The following OGFOD3 variants were observed in gnomAD, a reference collection of about 807,000 sequenced individuals.
OGFOD3 encodes 2-oxoglutarate and iron dependent oxygenase domain containing 3.
OGFOD3 carries 35 observed loss-of-function variants against 39.8 expected under a neutral mutation model. That is an observed-to-expected ratio of 0.88 (90% CI 0.67 to 1.17). The LOEUF is 1.17. Among genes scored for constraint, OGFOD3 ranks in the 50% most tolerant of loss-of-function variants. The pLI is 0.00. For synonymous variants in OGFOD3, 200 were observed against 192.0 expected, an observed-to-expected ratio of 1.04 and a Z score of -0.34; for missense variants, 438 against 454.5, an observed-to-expected ratio of 0.96 and a Z score of 0.33.
chr17:82,404,205 G>C lies in OGFOD3; in HGVS notation c.546-115C>G. ...CCTTCGTACGGCTCCGGGCCCGCGGGGCGGGGGCTCCCAAGCACACCGGGA... is the reference window on the plus strand; with the variant it reads ...CCTTCGTACGGCTCCGGGCCCGCGGCGCGGGGGCTCCCAAGCACACCGGGA... On this transcript the variant is annotated intron_variant, in intron 6 of 8. Coordinates refer to ENST00000313056, the MANE Select transcript of OGFOD3 (RefSeq NM_024648.3). The surrounding 1 kb of genome is among the most constrained non-coding windows in gnomAD (Gnocchi z 4.5). The C allele has an allele frequency of 3.3e-6, 4 of 1,226,556 alleles. No individual in the cohort carries two copies. The highest frequency in any genetic ancestry group is 3.3e-6 in the Non-Finnish European group (3 of 908,496). 76.0% of individuals were successfully genotyped at this position (1,226,556 alleles called of 1,614,324 possible).
chr17:82,392,295 G>T lies in OGFOD3; in HGVS notation c.*103C>A. The stretch of plus-strand genomic sequence containing the variant: ...CAAATCAAAATCAGAGAATTCCTAA[G>T]GCACTCTGTGCAACAGGAGCGGGTG... On this transcript the variant is annotated 3_prime_UTR_variant, in exon 9 of 9. Coordinates refer to ENST00000313056, the MANE Select transcript of OGFOD3 (RefSeq NM_024648.3). The surrounding 1 kb of genome is among the most constrained non-coding windows in gnomAD (Gnocchi z 4.2). 1 of 1,258,870 alleles carries T rather than the reference G, an allele frequency of 7.9e-7. No individual in the cohort carries two copies. Among genetic ancestry groups the T allele is most frequent in the Non-Finnish European group, 1.1e-6 (1 of 911,514 alleles). The allele number at this position is 1,258,870 out of a possible 1,614,324, so 78.0% of individuals were successfully genotyped here.
At chr17:82,408,664 T>A (rs2052894559) in intron 4 of OGFOD3, among the ~76,000 whole-genome samples, 1 of 152,130 alleles carries the variant, frequency 6.6e-6, no homozygotes, top group Non-Finnish European at 1.5e-5. Flanking sequence ...TGCTCCCATC[T>A]CTGCCTCCAT....
At chr17:82,407,162 G>A (rs1463707721) in intron 4 of OGFOD3, among the ~76,000 whole-genome samples, 2 of 152,078 alleles carry the variant, frequency 1.3e-5, no homozygotes, top group Non-Finnish European at 2.9e-5. Context: ...CTACTTGGGA[G>A]GCTGAGGCAG....
Position 82,406,135 on chromosome 17 carries a change from C to T in OGFOD3, c.488+283G>A, listed in dbSNP as rs2052852378. ...AGCCTCCCATCTCTGCTGCCTCTTG[C>T]TCCCATCCCTTCTGTCCCTGGGCCC... On this transcript the variant is annotated intron_variant, in intron 5 of 8. Transcript: ENST00000313056. The surrounding 1 kb of genome is among the most constrained non-coding windows in gnomAD (Gnocchi z 5.2). 6.6e-6 allele frequency among the ~76,000 whole-genome samples: 1 copy of T among 152,140 alleles called. No individual in the cohort carries two copies. The highest frequency in any genetic ancestry group is 2.4e-5 in the African/African-American group (1 of 41,422).
intron 2 of OGFOD3, among the ~76,000 whole-genome samples, chr17:82,414,718 C>G (rs990169896): frequency 1.3e-5 from 2 of 152,188 alleles, no homozygotes; most frequent in Non-Finnish European, 1.5e-5. Context: ...GGTTCAAGTG[C>G]AAAGCATTGA....
Position 82,418,496 on chromosome 17 carries a change from C to T in OGFOD3, c.-11G>A, listed in dbSNP as rs1414988034. 2 of 1,381,066 alleles carry T rather than the reference C, an allele frequency of 1.4e-6. No homozygotes were observed. Among genetic ancestry groups the T allele is most frequent in the Admixed American group, 6.6e-5 (2 of 30,154 alleles). 85.6% of individuals were successfully genotyped at this position (1,381,066 alleles called of 1,614,324 possible). A position where few individuals can be genotyped will look rare whatever the true frequency, so the allele number is the denominator to read the frequency against. On this transcript the variant is annotated 5_prime_UTR_variant, in exon 1 of 9. Transcript: ENST00000313056. ...CCGCTGAGGAGCCATCGGACCAGGC[C>T]GCCGCGGAGCCGGGCCGGACGCGGG...
chr17:82,399,048 G>A (rs919445841), intron 7 of OGFOD3, among the ~76,000 whole-genome samples: 2 of 150,568 alleles, frequency 1.3e-5, no homozygotes, highest in South Asian at 2.1e-4. Flanking sequence ...TGATGCCCAG[G>A]CTGGTCTCAA....
At chr17:82,403,801 A>G (rs112577349) in intron 7 of OGFOD3, 136 bp downstream of exon 7, 9 of 1,010,704 alleles carry the variant, frequency 8.9e-6, no homozygotes, top group African/African-American at 3.5e-5. Flanking sequence ...CTGCCCACGT[A>G]CGCACTCACC....
In OGFOD3 at chr17:82,398,180, C is replaced by A. The variant is rs368711285; in HGVS notation, c.823+16G>T. ...AGCCAGGAGCCCCACGCCCAGGCCC[C>A]GCCCGCGCCTCCTACCAGCTCTCGG... On this transcript the variant is annotated intron_variant, in intron 8 of 8. Transcript: ENST00000313056. The A allele has an allele frequency of 3.3e-5, 54 of 1,613,730 alleles. No homozygotes were observed. In the South Asian group the frequency reaches 5.8e-4, roughly 17 times the overall value.
chr17:82,397,503 G>A (rs1173798386), intron 8 of OGFOD3, among the ~76,000 whole-genome samples: 2 of 151,560 alleles, frequency 1.3e-5, no homozygotes, highest in Non-Finnish European at 2.9e-5. Context: ...TGCGAGTTTC[G>A]GCTGCATCTG....
At chr17:82,414,147 G>C (rs910073078) in intron 2 of OGFOD3, among the ~76,000 whole-genome samples, 2 of 151,764 alleles carry the variant, frequency 1.3e-5, no homozygotes, top group African/African-American at 4.8e-5. Flanking sequence ...TTTGGCGGGG[G>C]GTCAGGATCT....
At chr17:82,410,710 CTTTTTT>C (rs71168106) in intron 3 of OGFOD3, among the ~76,000 whole-genome samples, 1 of 91,708 alleles carries the variant, frequency 1.1e-5, no homozygotes, top group Non-Finnish European at 2.0e-5. Flanking sequence ...GCACATAATT[CTTTTTT>C]TTTTTTTTTT....
intron 4 of OGFOD3, among the ~76,000 whole-genome samples, chr17:82,407,305 T>A (rs1288933630): frequency 6.6e-6 from 1 of 152,092 alleles, no homozygotes; most frequent in Non-Finnish European, 1.5e-5. Context: ...ACACTTTTGT[T>A]CCCTGTGACC....
Position 82,418,528 on chromosome 17 carries a change from G to A in OGFOD3, c.-43C>T, listed in dbSNP as rs780889242. ...GAGCCGGGCCGGACGCGGGCGCCAG[G>A]CCCGGGGACGAACGCCGTAACAGGG... On this transcript the variant is annotated 5_prime_UTR_variant, in exon 1 of 9. Transcript: ENST00000313056. 6,524 of 1,179,426 alleles carry A rather than the reference G, an allele frequency of 5.5e-3. 32 individuals are homozygous for A. Among genetic ancestry groups the A allele is most frequent in the Non-Finnish European group, 6.1e-3 (5,600 of 916,294 alleles). The allele number at this position is 1,179,426 out of a possible 1,614,324, so 73.1% of individuals were successfully genotyped here. A position where few individuals can be genotyped will look rare whatever the true frequency, so the allele number is the denominator to read the frequency against.
At chr17:82,410,058 G>C (rs2052919560) in intron 3 of OGFOD3, among the ~76,000 whole-genome samples, 5 of 152,238 alleles carry the variant, frequency 3.3e-5, no homozygotes, top group Admixed American at 3.3e-4. Flanking sequence ...AGGCAGGTGG[G>C]GGAAGCTTTG....
chr17:82,398,354 G>A (rs773456620), intron 7 of OGFOD3, 35 bp from the exon 8 acceptor site: 3 of 1,612,844 alleles, frequency 1.9e-6, no homozygotes, highest in Non-Finnish European at 2.5e-6. Context: ...GGCAGAATGG[G>A]CTCTCAGCAT....
intron 2 of OGFOD3, among the ~76,000 whole-genome samples, chr17:82,411,923 G>C (rs1297584208): frequency 6.6e-6 from 1 of 152,078 alleles, no homozygotes; most frequent in Admixed American, 6.5e-5. Flanking sequence ...CGCCAGAGAG[G>C]AAAACCCTCC....
At position 82,403,934 on chromosome 17, in the gene OGFOD3, C is replaced by CA. The variant is rs750936252; in HGVS notation, c.699+2dup. 19 of 1,600,578 alleles carry CA rather than the reference C, an allele frequency of 1.2e-5. No individual in the cohort carries two copies. The African/African-American group carries it at 2.4e-4, about 20-fold the overall frequency. On this transcript the variant is annotated splice_region_variant and intron_variant, in intron 7 of 8. Transcript: ENST00000313056. ...CGCTCACCCTGCCCACGGGCGCGCTCACCTTGTCCACGTGCGCATGCCAGT... is the reference window on the plus strand; with the variant it reads ...CGCTCACCCTGCCCACGGGCGCGCTCAACCTTGTCCACGTGCGCATGCCAGT...
chr17:82,401,848 T>A (rs1001190957), intron 7 of OGFOD3, among the ~76,000 whole-genome samples: 2 of 142,020 alleles, frequency 1.4e-5, no homozygotes, highest in Non-Finnish European at 3.1e-5. Flanking sequence ...GAAGAATAAT[T>A]TAGTAACAAA....
Sources: allele counts gnomAD v4.1 joint callset (sites outside exome capture counted in the v4.1 genomes callset), GRCh38; gene constraint gnomAD v4.1.1; non-coding constraint Gnocchi (gnomAD v3.1); transcripts MANE v1.5; gene names NCBI Gene and HGNC (gene_info 2026-07-23, HGNC 2026-07-21).